Variants in LPCAT3 observed in about 807,000 individuals in gnomAD.
LPCAT3 encodes lysophosphatidylcholine acyltransferase 3.
A neutral mutation model predicts 63.4 loss-of-function variants in LPCAT3; 21 were observed. That is an observed-to-expected ratio of 0.33 (90% CI 0.23 to 0.48). The LOEUF (loss-of-function observed/expected upper bound fraction) is 0.48. Among genes scored for constraint, LPCAT3 ranks in the 20% least tolerant of loss-of-function variants. The pLI, the probability that LPCAT3 is intolerant of heterozygous loss-of-function variation, is 0.99. For missense variants in LPCAT3, 451 were observed against 590.6 expected (o/e 0.76, Z 2.45); for synonymous variants, 242 against 227.5 (o/e 1.06, Z -0.58).
Position 7,001,225 on chromosome 12 carries a change from C to G in LPCAT3, c.151+17049G>C, listed in dbSNP as rs147380667. On this transcript the variant is annotated intron_variant, in intron 1 of 12. Coordinates refer to ENST00000261407, the MANE Select transcript of LPCAT3 (RefSeq NM_005768.6). ...GCTAAAAAAGCTTCAGTTTCACTCC[C>G]CTTCCAAGGCTCTGGGGGGTGGGGT... 5.2e-3 allele frequency among the ~76,000 whole-genome samples: 792 copies of G among 152,004 alleles called. 7 individuals carry two copies. Among genetic ancestry groups the G allele is most frequent in the African/African-American group, 0.018 (746 of 41,432 alleles).
At chr12:6,997,897 T>A (rs1946652247) in intron 1 of LPCAT3, among the ~76,000 whole-genome samples, 1 of 152,008 alleles carries the variant, frequency 6.6e-6, no homozygotes, top group African/African-American at 2.4e-5. Flanking sequence ...CATGGCTGAT[T>A]TTTGTATTTT....
In LPCAT3 at chr12:6,977,178, G is replaced by C; in HGVS notation, c.1432C>G (p.Pro478Ala). ...ILPYIHKAMV[P>A]RKEKLKKME ...ATCTTCTTTAACTTCTCTTTCCTTGGCACCATTGCTTTGTGAATATAAGGC... is the reference window on the plus strand; with the variant it reads ...ATCTTCTTTAACTTCTCTTTCCTTGCCACCATTGCTTTGTGAATATAAGGC... The change falls in exon 12 of 13, where the codon CCA becomes GCA. Residue 478 changes from proline to alanine, a missense_variant. By Grantham distance (27) the Pro-to-Ala change is conservative. Coordinates refer to ENST00000261407, the MANE Select transcript of LPCAT3 (RefSeq NM_005768.6). This position sits in a 1 kb window ranked among gnomAD's most constrained non-coding sequence, Gnocchi z 4.5. The C allele has an allele frequency of 1.9e-6, 3 of 1,612,788 alleles. No homozygotes were observed. Among genetic ancestry groups the C allele is most frequent in the Non-Finnish European group, 2.5e-6 (3 of 1,178,852 alleles).
In LPCAT3 at chr12:6,981,122, C is replaced by T. The variant is rs782612570; in HGVS notation, c.559G>A (p.Val187Ile). The change falls in exon 6 of 13, where the codon GTT becomes ATT. Residue 187 changes from valine to isoleucine, a missense_variant. Coordinates refer to ENST00000261407, the MANE Select transcript of LPCAT3 (RefSeq NM_005768.6). ...CCATAGAAGTAGGAGAAACCAGCAA[C>T]TTCCAGCAGGGAAGGAACACCACGT... ...AIRGVPSLLE[V>I]AGFSYFYGAF... 8.1e-6 allele frequency: 13 copies of T among 1,613,980 alleles called. No individual in the cohort carries two copies. Among genetic ancestry groups the T allele is most frequent in the Non-Finnish European group, 1.1e-5 (13 of 1,179,934 alleles).
At chr12:7,000,972 G>A (rs1442954404) in intron 1 of LPCAT3, among the ~76,000 whole-genome samples, 1 of 152,106 alleles carries the variant, frequency 6.6e-6, no homozygotes, top group Non-Finnish European at 1.5e-5. Flanking sequence ...CTCCCAAAGT[G>A]CTGGGATTAT....
rs373700579 is a variant in LPCAT3 at position 6,978,662 on chromosome 12, A to G, written c.814T>C (p.Tyr272His). The G allele has an allele frequency of 8.1e-6, 13 of 1,614,108 alleles. No individual in the cohort carries two copies. The African/African-American group carries it at 1.7e-4, about 22-fold the overall frequency. Residue 272 changes from tyrosine to histidine, a missense_variant, in exon 8 of 13, where the codon TAC becomes CAC. This residue lies in a region of LPCAT3 where 304 missense variants were observed against 390.8 expected (regional missense o/e 0.78). Coordinates refer to ENST00000261407, the MANE Select transcript of LPCAT3 (RefSeq NM_005768.6). Reference sequence around the variant, plus strand: ...ACAAACTTGCCCCAGATCAGCATGTACATGCAGCGGAACCAGAAGGGGTGG... The same window carrying G: ...ACAAACTTGCCCCAGATCAGCATGTGCATGCAGCGGAACCAGAAGGGGTGG... Reference protein sequence around the residue: ...DNHPFWFRCMYMLIWGKFVLY... With the variant: ...DNHPFWFRCMHMLIWGKFVLY...
chr12:7,018,156 C>T lies in LPCAT3; in HGVS notation c.151+118G>A. ...CTGTTGGTGTGCTTCAGGATTCACACCCGCACCCGGCACAGCCCTCCCGGG... is the reference window on the plus strand; with the variant it reads ...CTGTTGGTGTGCTTCAGGATTCACATCCGCACCCGGCACAGCCCTCCCGGG... On this transcript the variant is annotated intron_variant, in intron 1 of 12. Transcript: ENST00000261407. The surrounding 1 kb of genome is among the most constrained non-coding windows in gnomAD (Gnocchi z 4.9). The T allele has an allele frequency of 4.0e-6, 5 of 1,234,994 alleles. No homozygotes were observed. Among genetic ancestry groups the T allele is most frequent in the Non-Finnish European group, 5.7e-6 (5 of 874,124 alleles). 76.5% of individuals were successfully genotyped at this position (1,234,994 alleles called of 1,614,324 possible).
chr12:6,984,817 T>C (rs1555154598), intron 1 of LPCAT3, among the ~76,000 whole-genome samples: 1 of 152,112 alleles, frequency 6.6e-6, no homozygotes, highest in Non-Finnish European at 1.5e-5. Context: ...CCTCCTGGGC[T>C]CAAGGAATCT....
At position 6,981,832 on chromosome 12, in the gene LPCAT3, C is replaced by G; in HGVS notation, c.439G>C (p.Val147Leu). The part of the protein sequence containing the change: ...YDIKWTMPHC[V>L]LTLKLIGLAV... ...TCACCAATCAGCTTCAAAGTCAGAA[C>G]ACAATGTGGCATTGTCCACTTGATA... The change falls in exon 4 of 13, where the codon GTT becomes CTT. Residue 147 changes from valine (V) to leucine (L), a missense_variant. Val to Leu is a conservative substitution (Grantham distance 32). Coordinates refer to ENST00000261407, the MANE Select transcript of LPCAT3 (RefSeq NM_005768.6). The G allele has an allele frequency of 6.2e-7, 1 of 1,613,708 alleles. No homozygotes were observed. The highest frequency in any genetic ancestry group is 8.5e-7 in the Non-Finnish European group (1 of 1,179,608).
In LPCAT3 at chr12:6,987,942, C is replaced by G. The variant is rs1946544313; in HGVS notation, c.152-4403G>C. 1 of 398,954 alleles carries G rather than the reference C, an allele frequency of 2.5e-6. No individual in the cohort carries two copies. Among genetic ancestry groups the G allele is most frequent in the Admixed American group, 4.4e-5 (1 of 22,682 alleles). 24.7% of individuals were successfully genotyped at this position (398,954 alleles called of 1,614,324 possible). On this transcript the variant is annotated intron_variant, in intron 1 of 12. Coordinates refer to ENST00000261407, the MANE Select transcript of LPCAT3 (RefSeq NM_005768.6). This position sits in a 1 kb window ranked among gnomAD's most constrained non-coding sequence, Gnocchi z 4.1. ...CCTGTCTGTCCCTTTCCTTGCTACT[C>G]TGGGATCAACAGTCACCTCTTGAAC...
intron 7 of LPCAT3, 177 bp from the exon 8 acceptor site, chr12:6,978,866 G>A: frequency 1.2e-6 from 1 of 808,434 alleles, no homozygotes; most frequent in South Asian, 1.9e-5. Context: ...AATAAGCAGA[G>A]GGCCTGGAGA....
chr12:7,014,042 G>A (rs1362039964), intron 1 of LPCAT3, among the ~76,000 whole-genome samples: 1 of 152,204 alleles, frequency 6.6e-6, no homozygotes, highest in Non-Finnish European at 1.5e-5. Context: ...ACACCTCAGT[G>A]CCTCTGCTCA....
In LPCAT3 at chr12:7,017,568, G is replaced by A. The variant is rs1353804417; in HGVS notation, c.151+706C>T. Among the ~76,000 whole-genome samples the A allele has an allele frequency of 6.6e-6, 1 of 152,138 alleles. No homozygotes were observed. The highest frequency in any genetic ancestry group is 1.5e-5 in the Non-Finnish European group (1 of 68,024). ...ACCAGTTGTAATACAGCTTGTTGTG[G>A]CATAAATTCAGATACACCACATCCT... On this transcript the variant is annotated intron_variant, in intron 1 of 12. Transcript: ENST00000261407. The surrounding 1 kb of genome is among the most constrained non-coding windows in gnomAD (Gnocchi z 4.1).
chr12:7,011,647 CA>C (rs1177972639), intron 1 of LPCAT3, among the ~76,000 whole-genome samples: 19,053 of 75,778 alleles, frequency 0.25, 854 homozygotes, highest in Non-Finnish European at 0.29. Flanking sequence ...CACCATGTCT[CA>C]AAAAAAAAAA....
intron 1 of LPCAT3, among the ~76,000 whole-genome samples, chr12:7,011,167 A>G (rs1946761225): frequency 6.6e-6 from 1 of 152,008 alleles, no homozygotes; most frequent in Admixed American, 6.6e-5. Flanking sequence ...CCCAAGCAGC[A>G]GGGACTACAG....
chr12:6,982,988 G>A, intron 2 of LPCAT3: 1 of 638,666 alleles, frequency 1.6e-6, no homozygotes, highest in Non-Finnish European at 2.8e-6. Context: ...TTCTTTTTTT[G>A]TTTGTTTTTT....
At position 7,017,551 on chromosome 12, in the gene LPCAT3, T is replaced by C. The variant is rs1309663271; in HGVS notation, c.151+723A>G. The stretch of plus-strand genomic sequence containing the variant: ...GGTAAAAAAGCCTATAAACCAGTTG[T>C]AATACAGCTTGTTGTGGCATAAATT... On this transcript the variant is annotated intron_variant, in intron 1 of 12. Coordinates refer to ENST00000261407, the MANE Select transcript of LPCAT3 (RefSeq NM_005768.6). This position sits in a 1 kb window ranked among gnomAD's most constrained non-coding sequence, Gnocchi z 4.1. 6.6e-6 allele frequency among the ~76,000 whole-genome samples: 1 copy of C among 152,200 alleles called. No individual in the cohort carries two copies. Among genetic ancestry groups the C allele is most frequent in the African/African-American group, 2.4e-5 (1 of 41,456 alleles).
At chr12:6,999,614 TA>T (rs1412991983) in intron 1 of LPCAT3, among the ~76,000 whole-genome samples, 1 of 152,188 alleles carries the variant, frequency 6.6e-6, no homozygotes, top group Non-Finnish European at 1.5e-5. Context: ...CTGCAATAAC[TA>T]AAAATTATTC....
At chr12:7,000,210 G>A (rs1228547588) in intron 1 of LPCAT3, among the ~76,000 whole-genome samples, 3 of 150,320 alleles carry the variant, frequency 2.0e-5, no homozygotes, top group Non-Finnish European at 4.4e-5. Flanking sequence ...GTGAGCCACC[G>A]CGCCTGGCCT....
chr12:6,986,832 C>T (rs868929699), intron 1 of LPCAT3, among the ~76,000 whole-genome samples: 4 of 148,414 alleles, frequency 2.7e-5, no homozygotes, highest in South Asian at 2.1e-4. Context: ...TTACACCTGT[C>T]GGCCGGGTGC....
Sources: allele counts gnomAD v4.1 joint callset (sites outside exome capture counted in the v4.1 genomes callset), GRCh38; gene constraint gnomAD v4.1.1; regional missense constraint gnomAD v4.1.1; non-coding constraint Gnocchi (gnomAD v3.1); transcripts MANE v1.5; gene names NCBI Gene and HGNC (gene_info 2026-07-23, HGNC 2026-07-21).